NMI: variants seen among roughly 807,000 people sequenced by gnomAD.
NMI encodes the protein N-myc-interactor.
NMI carries 39 observed loss-of-function variants against 34.3 expected under a neutral mutation model. That is an observed-to-expected ratio of 1.14 (90% confidence interval 0.88 to 1.49). NMI has a LOEUF of 1.49. Among genes scored for constraint, NMI ranks in the 40% most tolerant of loss-of-function variants. The pLI is 0.00. For missense variants in NMI, 339 were observed against 358.1 expected, an observed-to-expected ratio of 0.95 and a Z score of 0.43; for synonymous variants, 113 against 120.3, an observed-to-expected ratio of 0.94 and a Z score of 0.40.
intron 6 of NMI, among the ~76,000 whole-genome samples, chr2:151,274,364 A>C (rs1683245538): frequency 6.6e-6 from 1 of 150,704 alleles, no homozygotes; most frequent in Admixed American, 6.6e-5. Flanking sequence ...AAAAAAAAAA[A>C]AAAAAAAAAG....
intron 6 of NMI, 45 bp from the exon 7 acceptor site, chr2:151,271,777 G>A: frequency 1.1e-6 from 1 of 951,334 alleles, no homozygotes; most frequent in Non-Finnish European, 1.7e-6. Context: ...TATATCATAA[G>A]CATTTTTAAC....
Position 151,278,939 on chromosome 2 carries a change from G to A in NMI, c.229C>T (p.Pro77Ser), listed in dbSNP as rs1683337884. The change falls in exon 4 of 8, where the codon CCT becomes TCT. Residue 77 changes from proline to serine, a missense_variant. Pro to Ser is a moderately conservative substitution (Grantham distance 74). Transcript: ENST00000243346. ...TTTGACAACTGGCTGTCATTCTCAG[G>A]AGTTTCAACTGATAAGAATTTCATC... ...TKMKFLSVETPENDSQLSNIS... is the reference protein window; with the variant it reads ...TKMKFLSVETSENDSQLSNIS... 10 of 1,611,316 alleles carry A rather than the reference G, an allele frequency of 6.2e-6. No homozygotes were observed. Among genetic ancestry groups the A allele is most frequent in the Non-Finnish European group, 8.5e-6 (10 of 1,177,724 alleles).
intron 1 of NMI, among the ~76,000 whole-genome samples, chr2:151,287,421 G>A (rs1278220484): frequency 1.3e-5 from 2 of 151,870 alleles, no homozygotes; most frequent in Non-Finnish European, 2.9e-5. Context: ...GCCATGGTCT[G>A]ATACATTCTA....
chr2:151,281,895 C>T (rs1683411645), intron 3 of NMI, 53 bp downstream of exon 3: 2 of 893,536 alleles, frequency 2.2e-6, no homozygotes, highest in Non-Finnish European at 3.6e-6. Context: ...ATGCTTTTTC[C>T]AAAAACCATG....
At chr2:151,285,157 A>G (rs1683471951) in intron 1 of NMI, among the ~76,000 whole-genome samples, 1 of 152,192 alleles carries the variant, frequency 6.6e-6, no homozygotes, top group South Asian at 2.1e-4. Flanking sequence ...TGGGGACCCA[A>G]CTGAAAGGGC....
chr2:151,282,388 T>G (rs17191185), intron 2 of NMI, among the ~76,000 whole-genome samples: 3,581 of 152,338 alleles, frequency 0.024, 61 homozygotes, highest in African/African-American at 0.028. Context: ...TTTGTGAGCA[T>G]GATAAGACTT....
chr2:151,287,222 T>C (rs1296538911), intron 1 of NMI, among the ~76,000 whole-genome samples: 1 of 152,028 alleles, frequency 6.6e-6, no homozygotes, highest in Non-Finnish European at 1.5e-5. Flanking sequence ...AAAGTTGTTT[T>C]ACTGTACTTG....
chr2:151,283,834 T>C (rs1329945830), intron 1 of NMI, among the ~76,000 whole-genome samples: 3 of 152,230 alleles, frequency 2.0e-5, no homozygotes, highest in Non-Finnish European at 4.4e-5. Context: ...ATTATGAATA[T>C]GGTAACAAAC....
intron 4 of NMI, 115 bp downstream of exon 4, chr2:151,278,713 G>A (rs569265591): frequency 9.6e-5 from 77 of 803,188 alleles, no homozygotes; most frequent in Middle Eastern, 3.5e-4. Flanking sequence ...GCCTCAGAAC[G>A]TCACTATGAG....
rs535715695 is a variant in NMI at position 151,287,938 on chromosome 2, C to T, written c.-7+1655G>A. ...CAGAAACTGCAATGTTATTTAATTG[C>T]TTTTTATTTTTATTATTGTGACAAT... On this transcript the variant is annotated intron_variant, in intron 1 of 7. Coordinates refer to ENST00000243346, the MANE Select transcript of NMI (RefSeq NM_004688.3). Among the ~76,000 whole-genome samples, 3 of 152,268 alleles carry T rather than the reference C, an allele frequency of 2.0e-5. No homozygotes were observed. In the East Asian group the frequency reaches 5.8e-4, roughly 29 times the overall value.
In NMI at chr2:151,275,468, C is replaced by G. The variant is rs370933733; in HGVS notation, c.634+16G>C. 2 of 1,609,644 alleles carry G rather than the reference C, an allele frequency of 1.2e-6. No individual in the cohort carries two copies. The highest frequency in any genetic ancestry group is 2.7e-5 in the African/African-American group (2 of 74,832). On this transcript the variant is annotated intron_variant, in intron 6 of 7. Coordinates refer to ENST00000243346, the MANE Select transcript of NMI (RefSeq NM_004688.3). The stretch of plus-strand genomic sequence containing the variant: ...AAATGGCAGAGTGTCTGTTAACCTT[C>G]TACACCCTTGAGTACCTCCAATCTC...
chr2:151,286,286 A>G (rs991013574), intron 1 of NMI, among the ~76,000 whole-genome samples: 4 of 152,210 alleles, frequency 2.6e-5, no homozygotes, highest in Admixed American at 1.3e-4. Context: ...ACAAACTCAA[A>G]TTGAGGGGTT....
intron 6 of NMI, 67 bp downstream of exon 6, chr2:151,275,417 C>T: frequency 7.2e-7 from 1 of 1,392,802 alleles, no homozygotes; most frequent in Non-Finnish European, 1.0e-6. Flanking sequence ...AATAGGAATA[C>T]TTTCAGAAAC....
chr2:151,282,784 G>A, intron 2 of NMI, 84 bp downstream of exon 2: 2 of 691,462 alleles, frequency 2.9e-6, no homozygotes, highest in Non-Finnish European at 4.6e-6. Context: ...GGTAATGTTG[G>A]ACAAAGACAT....
At chr2:151,282,377 A>G (rs886501349) in intron 2 of NMI, among the ~76,000 whole-genome samples, 1 of 152,228 alleles carries the variant, frequency 6.6e-6, no homozygotes, top group Admixed American at 6.5e-5. Context: ...TTTCCTAGCT[A>G]TTTGTGAGCA....
intron 4 of NMI, among the ~76,000 whole-genome samples, chr2:151,276,753 C>T (rs1683298934): frequency 6.6e-6 from 1 of 152,190 alleles, no homozygotes; most frequent in Non-Finnish European, 1.5e-5. Flanking sequence ...TTAAAGACTA[C>T]ATAGGCTGGA....
Position 151,278,783 on chromosome 2 carries a change from G to C in NMI, c.340+45C>G, listed in dbSNP as rs760111226. On this transcript the variant is annotated intron_variant, in intron 4 of 7. Transcript: ENST00000243346. ...AAGTAATAGCTAAATGTCTATGAAA[G>C]TGCTTTCCAAATAACATGGTCATAT... 4.8e-6 allele frequency: 7 copies of C among 1,452,752 alleles called. No individual in the cohort carries two copies. In the Admixed American group the frequency reaches 1.0e-4, roughly 21 times the overall value. 90.0% of individuals were successfully genotyped at this position (1,452,752 alleles called of 1,614,324 possible). A position where few individuals can be genotyped will look rare whatever the true frequency, so the allele number is the denominator to read the frequency against.
intron 6 of NMI, among the ~76,000 whole-genome samples, chr2:151,273,205 G>A (rs533292818): frequency 2.8e-4 from 42 of 151,136 alleles, no homozygotes; most frequent in Admixed American, 2.8e-3. Flanking sequence ...CCTTGGATAT[G>A]TTGCTTGACT....
chr2:151,276,675 C>T (rs996078733), intron 4 of NMI, among the ~76,000 whole-genome samples: 5 of 152,152 alleles, frequency 3.3e-5, no homozygotes, highest in African/African-American at 9.7e-5. Flanking sequence ...TCATTTGTTA[C>T]TCCTTAATAT....
Sources: gnomAD v4.1 joint callset for allele counts (sites outside exome capture counted in the v4.1 genomes callset) on GRCh38, gnomAD v4.1.1 for gene constraint, MANE v1.5 for transcripts, NCBI Gene and HGNC (gene_info 2026-07-23, HGNC 2026-07-21) for gene names.